Variants in ESRRG observed in about 807,000 individuals in gnomAD.
The protein encoded by ESRRG is estrogen related receptor gamma.
In ESRRG, 13 loss-of-function variants were observed where a neutral mutation model predicts 44.0. That is an observed-to-expected ratio of 0.30 (90% CI 0.19 to 0.47). The LOEUF is 0.47. ESRRG is among the 20% of genes least tolerant of loss of function. The pLI is 1.00. For synonymous variants in ESRRG, 215 were observed against 214.6 expected, an observed-to-expected ratio of 1.00 and a Z score of -0.02; for missense variants, 395 against 580.6, an observed-to-expected ratio of 0.68 and a Z score of 3.29.
At chr1:216,717,440 A>T (rs1340002302) in intron 1 of ESRRG, among the ~76,000 whole-genome samples, 1 of 151,892 alleles carries the variant, frequency 6.6e-6, no homozygotes, top group Non-Finnish European at 1.5e-5. Flanking sequence ...ATCCTTCAAA[A>T]GGCTGTCATT....
intron 2 of ESRRG, among the ~76,000 whole-genome samples, chr1:216,866,829 T>G (rs1438569382): frequency 1.3e-5 from 2 of 152,114 alleles, no homozygotes; most frequent in African/African-American, 4.8e-5. Flanking sequence ...CATCCATGGT[T>G]AGATTTTCTT....
At chr1:216,653,105 T>C (rs1574811866) in intron 2 of ESRRG, among the ~76,000 whole-genome samples, 1 of 152,324 alleles carries the variant, frequency 6.6e-6, no homozygotes, top group Admixed American at 6.5e-5. Flanking sequence ...AACCCAGTGC[T>C]AAAAACTTCT....
At chr1:216,639,492 A>G (rs1175457248) in intron 3 of ESRRG, among the ~76,000 whole-genome samples, 1 of 152,190 alleles carries the variant, frequency 6.6e-6, no homozygotes, top group Non-Finnish European at 1.5e-5. Context: ...TGGGGGCAAC[A>G]TGCTGGCTTG....
At chr1:217,064,540 G>T (rs987548731) in intron 1 of ESRRG, among the ~76,000 whole-genome samples, 1 of 152,160 alleles carries the variant, frequency 6.6e-6, no homozygotes, top group African/African-American at 2.4e-5. Flanking sequence ...CAAAGAAGCT[G>T]CAGTCCTTCC....
rs753891030 is a variant in ESRRG at position 216,506,956 on chromosome 1, A to G, written c.1360T>C (p.Leu454=). ...GCTTTTAGTCAGACCTTGGCCTCCAACATTTCCAAAAAAAGTTTGTGCATT... is the reference window on the plus strand; with the variant it reads ...GCTTTTAGTCAGACCTTGGCCTCCAGCATTTCCAAAAAAAGTTTGTGCATT... The part of the protein sequence containing the change: ...VPMHKLFLEM[L]EAKV The change falls in exon 7 of 7, where the codon TTG becomes CTG. Residue 454 remains leucine, a synonymous_variant. Coordinates refer to ENST00000408911, the MANE Select transcript of ESRRG (RefSeq NM_001438.4). 6.2e-7 allele frequency: 1 copy of G among 1,613,980 alleles called. No homozygotes were observed. The highest frequency in any genetic ancestry group is 1.3e-5 in the African/African-American group (1 of 74,928).
At chr1:216,866,779 C>G (rs1424846588) in intron 2 of ESRRG, among the ~76,000 whole-genome samples, 1 of 152,022 alleles carries the variant, frequency 6.6e-6, no homozygotes. Context: ...GTCCATATTT[C>G]TTCCTCCACG....
intron 2 of ESRRG, among the ~76,000 whole-genome samples, chr1:216,775,098 C>T (rs965370978): frequency 3.3e-5 from 5 of 151,966 alleles, no homozygotes; most frequent in East Asian, 1.9e-4. Context: ...CGTGAGCCAC[C>T]GTGCCCAGCC....
chr1:216,651,885 G>T (rs577157516), intron 2 of ESRRG, among the ~76,000 whole-genome samples: 5 of 152,210 alleles, frequency 3.3e-5, no homozygotes, highest in Non-Finnish European at 5.9e-5. Context: ...TAAGAAACCA[G>T]AAGAAGATCC....
chr1:216,780,511 G>A (rs569171079), intron 2 of ESRRG, among the ~76,000 whole-genome samples: 19 of 152,114 alleles, frequency 1.2e-4, no homozygotes, highest in Admixed American at 5.3e-4. Flanking sequence ...GAACCCTTAC[G>A]AAATCAGATA....
At chr1:216,999,597 T>C (rs1409005311) in intron 1 of ESRRG, among the ~76,000 whole-genome samples, 1 of 152,122 alleles carries the variant, frequency 6.6e-6, no homozygotes, top group Non-Finnish European at 1.5e-5. Context: ...GTATGTGACA[T>C]GGATTTAAAA....
chr1:216,730,000 T>C (rs1455185147), intron 2 of ESRRG, among the ~76,000 whole-genome samples: 2 of 152,160 alleles, frequency 1.3e-5, no homozygotes, highest in Non-Finnish European at 2.9e-5. Flanking sequence ...GCTTGGTTAC[T>C]TTACAGGTAA....
At chr1:217,090,950 G>A (rs565000717), upstream of ESRRG, among the ~76,000 whole-genome samples, 25 of 152,248 alleles carry the variant, frequency 1.6e-4, no homozygotes, top group Non-Finnish European at 3.2e-4. Flanking sequence ...ATTTTTAGCC[G>A]GTGTGGCCAC....
In ESRRG at chr1:217,081,221, C is replaced by CTTTTTTTTTTT. The variant is rs143325476; in HGVS notation, c.-106+8275_-106+8285dup. 7.1e-4 allele frequency among the ~76,000 whole-genome samples: 50 copies of CTTTTTTTTTTT among 70,412 alleles called. 5 individuals carry two copies. Among genetic ancestry groups the CTTTTTTTTTTT allele is most frequent in the African/African-American group, 8.4e-4 (14 of 16,608 alleles). 46.2% of individuals were successfully genotyped at this position (70,412 alleles called of 152,430 possible). The stretch of plus-strand genomic sequence containing the variant: ...TCAGTGAATTATAGATAAAAATATT[C>CTTTTTTTTTTT]TTTTTTTTTTTTTTTTTTTTTTTGA... On this transcript the variant is annotated intron_variant, in intron 1 of 7. Transcript: ENST00000359162.
At chr1:217,098,339 G>C (rs2092456365) in intron 1 of ESRRG, among the ~76,000 whole-genome samples, 1 of 152,114 alleles carries the variant, frequency 6.6e-6, no homozygotes, top group Non-Finnish European at 1.5e-5. Flanking sequence ...TTACCATTTA[G>C]AAAGTGCTTT....
At chr1:216,718,575 G>A (rs1204543045) in intron 1 of ESRRG, among the ~76,000 whole-genome samples, 1 of 151,948 alleles carries the variant, frequency 6.6e-6, no homozygotes, top group Non-Finnish European at 1.5e-5. Context: ...ATTGGAGAAA[G>A]AGAGGCTAAA....
chr1:216,980,634 C>T (rs983382890), intron 1 of ESRRG, among the ~76,000 whole-genome samples: 5 of 152,120 alleles, frequency 3.3e-5, no homozygotes, highest in South Asian at 2.1e-4. Context: ...TGCTCCCCCA[C>T]CCATTTCAAT....
chr1:216,785,884 TAGTTA>T (rs1156862163), intron 2 of ESRRG, among the ~76,000 whole-genome samples: 1 of 152,098 alleles, frequency 6.6e-6, no homozygotes, highest in Non-Finnish European at 1.5e-5. Flanking sequence ...TTGTCAGCCG[TAGTTA>T]AGTTGACACT....
chr1:216,566,461 C>T (rs535866288), intron 4 of ESRRG, among the ~76,000 whole-genome samples: 2 of 152,240 alleles, frequency 1.3e-5, no homozygotes, highest in African/African-American at 4.8e-5. Context: ...CAAGCCACTT[C>T]CCAATTTCTC....
intron 1 of ESRRG, among the ~76,000 whole-genome samples, chr1:216,706,626 C>T (rs1204842350): frequency 6.6e-6 from 1 of 152,126 alleles, no homozygotes; most frequent in Non-Finnish European, 1.5e-5. Context: ...GAGACAAGCA[C>T]TCAGTAACAT....
Sources: gnomAD v4.1 joint callset for allele counts (sites outside exome capture counted in the v4.1 genomes callset) on GRCh38, gnomAD v4.1.1 for gene constraint, MANE v1.5 for transcripts, NCBI Gene and HGNC (gene_info 2026-07-23, HGNC 2026-07-21) for gene names.